RYR3: variants seen among roughly 807,000 people sequenced by gnomAD.
RYR3 encodes brain ryanodine receptor-calcium release channel.
In RYR3, 207 loss-of-function variants were observed where a neutral mutation model predicts 584.3. The ratio of observed to expected loss-of-function variants is 0.35; its 90% CI spans 0.32 to 0.40. The LOEUF is 0.40. Ranked by LOEUF, RYR3 falls within the 10% of genes least tolerant of loss-of-function variation. The probability of loss-of-function intolerance (pLI) is 1.00; values close to 1 mark genes in which losing one functional copy is unlikely to be tolerated. For missense variants in RYR3, 5,616 were observed against 6,089.2 expected (o/e 0.92, Z 2.59); for synonymous variants, 2,416 against 2,248.5 (o/e 1.07, Z -2.11).
chr15:33,696,928 T>TGTTCA (rs2152765889), intron 39 of RYR3, among the ~76,000 whole-genome samples: 1 of 148,746 alleles, frequency 6.7e-6, no homozygotes, highest in East Asian at 2.1e-4. Context: ...TTGAGATAAC[T>TGTTCA]TTCCCCTTAA....
intron 5 of RYR3, 49 bp from the exon 6 acceptor site, chr15:33,539,301 G>T: frequency 1.6e-6 from 2 of 1,239,764 alleles, no homozygotes; most frequent in South Asian, 2.6e-5. Context: ...CAAAATTAGG[G>T]ACACTGGCTT....
intron 38 of RYR3, among the ~76,000 whole-genome samples, chr15:33,695,991 C>G (rs151152585): frequency 7.6e-6 from 1 of 132,254 alleles, no homozygotes; most frequent in Non-Finnish European, 1.6e-5. Context: ...AACAGGGTCT[C>G]GCTTTGTGGC....
At position 33,838,743 on chromosome 15, in the gene RYR3, G is replaced by A. The variant is rs768353999; in HGVS notation, c.12763G>A (p.Val4255Met). 5 of 1,613,968 alleles carry A rather than the reference G, an allele frequency of 3.1e-6. No homozygotes were observed. Among genetic ancestry groups the A allele is most frequent in the Middle Eastern group, 1.6e-4 (1 of 6,062 alleles). Residue 4255 changes from valine to methionine, a missense_variant, in exon 89 of 104, where the codon GTG becomes ATG. This residue lies in a region of RYR3 where 918 missense variants were observed against 887.4 expected (regional missense o/e 1.03). Transcript: ENST00000634891. Reference protein sequence around the residue: ...DDTMEAERAEVMEPGITTELV... With the variant: ...DDTMEAERAEMMEPGITTELV... ...CACTATGGAGGCTGAGAGGGCAGAGGTGATGGAGCCAGGTATCACCACTGA... is the reference window on the plus strand; with the variant it reads ...CACTATGGAGGCTGAGAGGGCAGAGATGATGGAGCCAGGTATCACCACTGA...
At chr15:33,450,352 C>G (rs188159492) in intron 1 of RYR3, among the ~76,000 whole-genome samples, 1 of 152,232 alleles carries the variant, frequency 6.6e-6, no homozygotes, top group African/African-American at 2.4e-5. Flanking sequence ...ATTTCTAAGG[C>G]TAGAAGGCAG....
rs1423609046 is a variant in RYR3, at chr15:33,830,982, A to T, written c.11354A>T (p.Tyr3785Phe). The T allele has an allele frequency of 1.2e-6, 2 of 1,613,570 alleles. No homozygotes were observed. Among genetic ancestry groups the T allele is most frequent in the East Asian group, 2.2e-5 (1 of 44,878 alleles). ...LRLQESISDF[Y>F]WYYSGKDIID... The stretch of plus-strand genomic sequence containing the variant: ...TTTTAGGAATCAATCAGTGATTTCT[A>T]CTGGTATTATTCAGGGAAGGACATC... The change falls in exon 86 of 104, where the codon TAC (tyrosine) becomes TTC (phenylalanine). Residue 3785 changes from tyrosine to phenylalanine, a missense_variant. Physicochemically the swap from Tyr to Phe is conservative, Grantham distance 22. Transcript: ENST00000634891.
chr15:33,616,756 A>T (rs2060472385), intron 19 of RYR3, among the ~76,000 whole-genome samples: 1 of 152,200 alleles, frequency 6.6e-6, no homozygotes, highest in Admixed American at 6.5e-5. Flanking sequence ...CTCTCAGGAA[A>T]CTATGAGCTC....
chr15:33,543,577 C>A (rs757514441), intron 7 of RYR3, 45 bp from the exon 8 acceptor site: 2 of 1,229,564 alleles, frequency 1.6e-6, no homozygotes, highest in South Asian at 1.2e-5. Context: ...CCATTCTCTT[C>A]ATTAAACTTC....
At chr15:33,606,717 G>A (rs1219203017) in intron 18 of RYR3, among the ~76,000 whole-genome samples, 1 of 152,144 alleles carries the variant, frequency 6.6e-6, no homozygotes, top group Non-Finnish European at 1.5e-5. Flanking sequence ...GACTCAATGG[G>A]GCTTTCAGGA....
chr15:33,736,022 C>T (rs772396252), intron 48 of RYR3, among the ~76,000 whole-genome samples: 18 of 152,170 alleles, frequency 1.2e-4, no homozygotes, highest in Non-Finnish European at 2.5e-4. Flanking sequence ...AATTCCACTT[C>T]GGGTATCCCA....
chr15:33,750,257 C>T lies in RYR3; in HGVS notation c.8370C>T (p.Phe2790=). 6.2e-7 allele frequency: 1 copy of T among 1,610,824 alleles called. No individual in the cohort carries two copies. The highest frequency in any genetic ancestry group is 8.5e-7 in the Non-Finnish European group (1 of 1,178,488). ...AGAAGGCACAGGACCTGTTTAAGTT[C>T]CTCCAAGTGAATGGCATCATAGTTT... ...DREKAQDLFK[F]LQVNGIIVSR... is the part of the protein sequence containing the mutation. The change falls in exon 57 of 104, where the codon TTC becomes TTT. Residue 2790 remains phenylalanine (F), a synonymous_variant. Transcript: ENST00000634891.
chr15:33,668,440 C>T (rs1251810317), intron 36 of RYR3, among the ~76,000 whole-genome samples: 1 of 151,972 alleles, frequency 6.6e-6, no homozygotes, highest in Non-Finnish European at 1.5e-5. Flanking sequence ...GTCCAAAGCA[C>T]TCAGGGGCAA....
At chr15:33,612,580 G>A (rs777415084) in intron 18 of RYR3, among the ~76,000 whole-genome samples, 7 of 152,006 alleles carry the variant, frequency 4.6e-5, no homozygotes, top group South Asian at 2.1e-4. Context: ...GGCTGGTCTC[G>A]AACTCCTGAC....
At chr15:33,545,941 G>T (rs2056204154) in intron 8 of RYR3, among the ~76,000 whole-genome samples, 1 of 152,242 alleles carries the variant, frequency 6.6e-6, no homozygotes, top group South Asian at 2.1e-4. Flanking sequence ...CTAACATTTT[G>T]AGCTCTGATC....
At chr15:33,470,433 A>G (rs1022800734) in intron 1 of RYR3, among the ~76,000 whole-genome samples, 36 of 151,486 alleles carry the variant, frequency 2.4e-4, no homozygotes, top group Non-Finnish European at 4.3e-4. Flanking sequence ...ATAGTGGCAT[A>G]AAACCCCAGA....
chr15:33,773,595 A>G lies in RYR3; in HGVS notation c.9117A>G (p.Gly3039=), dbSNP rs1459194109. 2 of 1,606,784 alleles carry G rather than the reference A, an allele frequency of 1.2e-6. No individual in the cohort carries two copies. Among genetic ancestry groups the G allele is most frequent in the East Asian group, 4.5e-5 (2 of 44,786 alleles). ...GCAGCCTCTACTCCCTTGGGACGGGAAAGAACATTTATGTTGAAAGGTAAT... is the reference window on the plus strand; with the variant it reads ...GCAGCCTCTACTCCCTTGGGACGGGGAAGAACATTTATGTTGAAAGGTAAT... ...ILCSLYSLGT[G]KNIYVERQRP... is the part of the protein sequence containing the mutation. Residue 3039 remains glycine, a synonymous_variant, in exon 64 of 104, where the codon GGA becomes GGG. Transcript: ENST00000634891.
chr15:33,713,832 G>A (rs2067295251), intron 43 of RYR3, among the ~76,000 whole-genome samples: 1 of 152,116 alleles, frequency 6.6e-6, no homozygotes, highest in Admixed American at 6.5e-5. Context: ...AAGAGGCAAG[G>A]CAGCTCTCTG....
At chr15:33,466,515 C>T (rs543249277) in intron 1 of RYR3, among the ~76,000 whole-genome samples, 1 of 152,202 alleles carries the variant, frequency 6.6e-6, no homozygotes, top group African/African-American at 2.4e-5. Flanking sequence ...GATAATAAAA[C>T]CAAAAACCAA....
rs2054063135 is a variant in RYR3 at position 33,522,341 on chromosome 15, C to T, written c.280-8251C>T. Reference sequence around the variant, plus strand: ...TGCCCATGAAAGATGCCAGGGGTGTCGCCCCCTTTCAAGCATGTTTCTGTG... The same window carrying T: ...TGCCCATGAAAGATGCCAGGGGTGTTGCCCCCTTTCAAGCATGTTTCTGTG... On this transcript the variant is annotated intron_variant, in intron 3 of 103. Coordinates refer to ENST00000634891, the MANE Select transcript of RYR3 (RefSeq NM_001036.6). Among the ~76,000 whole-genome samples the T allele has an allele frequency of 2.0e-5, 3 of 152,094 alleles. 1 individual carries two copies. The highest frequency in any genetic ancestry group is 4.1e-4 in the South Asian group (2 of 4,826).
intron 51 of RYR3, among the ~76,000 whole-genome samples, chr15:33,740,520 G>C (rs72713293): frequency 0.2 from 30,070 of 152,050 alleles, 3,123 homozygotes; most frequent in African/African-American, 0.27. Context: ...CCCTACCATT[G>C]CACCTTTTAC....
Sources: allele counts gnomAD v4.1 joint callset (sites outside exome capture counted in the v4.1 genomes callset), GRCh38; gene constraint gnomAD v4.1.1; regional missense constraint gnomAD v4.1.1; transcripts MANE v1.5; gene names NCBI Gene and HGNC (gene_info 2026-07-23, HGNC 2026-07-21).